SLC30A6: variants seen among roughly 807,000 people sequenced by gnomAD.
SLC30A6 encodes the protein zinc transporter 6.
Under a neutral mutation model 63.0 loss-of-function variants are expected in SLC30A6, and 55 were observed. The ratio of observed to expected loss-of-function variants is 0.87; its 90% confidence interval spans 0.70 to 1.09. The LOEUF (loss-of-function observed/expected upper bound fraction) is 1.09, where lower values mean the gene tolerates loss of function less well. Among genes scored for constraint, SLC30A6 ranks in the 50% least tolerant of loss-of-function variants. The probability of loss-of-function intolerance (pLI) is 0.00; values close to 1 mark genes in which losing one functional copy is unlikely to be tolerated. For synonymous variants in SLC30A6, 224 were observed against 186.1 expected, an observed-to-expected ratio of 1.20 and a Z score of -1.66; for missense variants, 587 against 549.2, an observed-to-expected ratio of 1.07 and a Z score of -0.69.
intron 8 of SLC30A6, among the ~76,000 whole-genome samples, chr2:32,195,830 C>G (rs966629747): frequency 6.6e-6 from 1 of 152,144 alleles, no homozygotes; most frequent in African/African-American, 2.4e-5. Flanking sequence ...GCGTGAGCCA[C>G]TGCTCCCAGC....
At chr2:32,209,689 A>G (rs1483911911) in intron 13 of SLC30A6, 128 bp downstream of exon 13, 1 of 741,174 alleles carries the variant, frequency 1.3e-6, no homozygotes, top group Non-Finnish European at 2.1e-6. Flanking sequence ...AGCAGAGTCT[A>G]AAATGTACAT....
chr2:32,169,753 A>C (rs1681026954), intron 1 of SLC30A6, among the ~76,000 whole-genome samples: 1 of 152,176 alleles, frequency 6.6e-6, no homozygotes, highest in South Asian at 2.1e-4. Context: ...TGTCCTCCTC[A>C]AAAGCAGCTG....
intron 4 of SLC30A6, among the ~76,000 whole-genome samples, chr2:32,179,745 G>A (rs1283593482): frequency 4.6e-5 from 7 of 151,996 alleles, no homozygotes; most frequent in Non-Finnish European, 7.4e-5. Context: ...ATAAGAATAC[G>A]TACATGTATA....
In SLC30A6 at chr2:32,206,953, A is replaced by G; in HGVS notation, c.816+20A>G. ...AGAGAGGTAAGATGGAATAGTAAATAAAATCATTTTATTTTATATCAGGGA... is the reference window on the plus strand; with the variant it reads ...AGAGAGGTAAGATGGAATAGTAAATGAAATCATTTTATTTTATATCAGGGA... On this transcript the variant is annotated intron_variant, in intron 12 of 13. Coordinates refer to ENST00000282587, the MANE Select transcript of SLC30A6 (RefSeq NM_017964.5). The G allele has an allele frequency of 6.4e-7, 1 of 1,572,878 alleles. No homozygotes were observed. The highest frequency in any genetic ancestry group is 8.7e-7 in the Non-Finnish European group (1 of 1,143,056).
At chr2:32,167,510 C>T (rs1441599109) in intron 1 of SLC30A6, among the ~76,000 whole-genome samples, 1 of 151,948 alleles carries the variant, frequency 6.6e-6, no homozygotes, top group Non-Finnish European at 1.5e-5. Flanking sequence ...CTTCCATCCC[C>T]AGAATTGTTC....
chr2:32,177,409 G>C, intron 4 of SLC30A6: 1 of 181,220 alleles, frequency 5.5e-6, no homozygotes. Flanking sequence ...TTTTGCCTCA[G>C]CCTCCCAAGT....
chr2:32,203,337 G>A lies in SLC30A6; in HGVS notation c.666-1253G>A, dbSNP rs796204633. ...CAAAAAGTAGGAATTACTTTTAAAT[G>A]TGTAGGTATTCCTTCTACAATGGAT... On this transcript the variant is annotated intron_variant, in intron 10 of 13. Coordinates refer to ENST00000282587, the MANE Select transcript of SLC30A6 (RefSeq NM_017964.5). The A allele has an allele frequency of 1.6e-5, 15 of 913,808 alleles. No homozygotes were observed. In the African/African-American group the frequency reaches 2.3e-4, roughly 14 times the overall value. 56.6% of individuals were successfully genotyped at this position (913,808 alleles called of 1,614,324 possible).
intron 8 of SLC30A6, among the ~76,000 whole-genome samples, chr2:32,194,550 G>A (rs191040594): frequency 6.6e-6 from 1 of 152,104 alleles, no homozygotes; most frequent in East Asian, 1.9e-4. Context: ...TCAGTGTTTT[G>A]GAATCCCACT....
intron 1 of SLC30A6, among the ~76,000 whole-genome samples, chr2:32,168,203 A>G (rs1253315498): frequency 6.6e-6 from 1 of 152,048 alleles, no homozygotes; most frequent in East Asian, 1.9e-4. Flanking sequence ...ACTTTCTTAG[A>G]AAATATAAAG....
At chr2:32,182,340 C>T in intron 4 of SLC30A6, among the ~76,000 whole-genome samples, 1 of 152,200 alleles carries the variant, frequency 6.6e-6, no homozygotes, top group Non-Finnish European at 1.5e-5. Flanking sequence ...ATTTGCTGAA[C>T]TTCAATGTAA....
intron 13 of SLC30A6, chr2:32,214,459 A>G (rs765811421): frequency 1.3e-5 from 2 of 152,106 alleles, no homozygotes; most frequent in Non-Finnish European, 2.9e-5. Flanking sequence ...AATTTTTTAA[A>G]ATATGGAACG....
chr2:32,188,392 C>A (rs1371921875), intron 5 of SLC30A6, among the ~76,000 whole-genome samples: 1 of 152,290 alleles, frequency 6.6e-6, no homozygotes, highest in East Asian at 1.9e-4. Flanking sequence ...TGTCCCTACC[C>A]TTTAAAAGGT....
intron 11 of SLC30A6, among the ~76,000 whole-genome samples, 191 bp downstream of exon 11, chr2:32,204,883 G>A (rs1684612907): frequency 1.4e-5 from 2 of 144,252 alleles, no homozygotes; most frequent in Admixed American, 7.1e-5. Flanking sequence ...GTGGGATCTC[G>A]GCTCACTGCC....
chr2:32,191,643 T>A (rs956942748), intron 5 of SLC30A6, among the ~76,000 whole-genome samples: 2 of 152,178 alleles, frequency 1.3e-5, no homozygotes, highest in Admixed American at 6.5e-5. Context: ...TGTCAGAGTG[T>A]TTGAGTTTGA....
chr2:32,206,440 CAAAA>C (rs35790322), intron 11 of SLC30A6, among the ~76,000 whole-genome samples: 23 of 146,548 alleles, frequency 1.6e-4, no homozygotes, highest in African/African-American at 5.5e-4. Flanking sequence ...AGCGAGATTC[CAAAA>C]AAAAAAAAGG....
At position 32,197,729 on chromosome 2, in the gene SLC30A6, CT is replaced by C; in HGVS notation, c.570del (p.Ser191AlafsTer8). On this transcript the variant is annotated frameshift_variant, in exon 10 of 14. Transcript: ENST00000282587. LOFTEE classifies it high-confidence loss of function. ...SRSLCGIIPG[L>X]SSIFLPRMNP... is the part of the protein sequence containing the mutation. ...TAGCTTGTGTGGAATTATTCCGGGA[CT>C]TAGCAGTATCTTCCTTCCCCGAATG... The C allele has an allele frequency of 6.2e-7, 1 of 1,614,108 alleles. No individual in the cohort carries two copies. The highest frequency in any genetic ancestry group is 1.1e-5 in the South Asian group (1 of 91,084).
At chr2:32,192,582 A>AT (rs1415392941) in intron 6 of SLC30A6, among the ~76,000 whole-genome samples, 166 bp downstream of exon 6, 1 of 151,884 alleles carries the variant, frequency 6.6e-6, no homozygotes, top group Non-Finnish European at 1.5e-5. Flanking sequence ...CTTCTGTTTC[A>AT]TTTTTTTTAC....
intron 1 of SLC30A6, among the ~76,000 whole-genome samples, chr2:32,168,634 T>G (rs1421645047): frequency 6.6e-6 from 1 of 152,184 alleles, no homozygotes; most frequent in African/African-American, 2.4e-5. Context: ...TGAAACTAAG[T>G]ACTTTGTGCC....
intron 13 of SLC30A6, chr2:32,214,400 G>A (rs1469244705): frequency 1.3e-5 from 2 of 151,840 alleles, no homozygotes; most frequent in African/African-American, 2.4e-5. Context: ...CACACCTTGA[G>A]TCTTATGTTC....
Sources: gnomAD v4.1 joint callset for allele counts (sites outside exome capture counted in the v4.1 genomes callset) on GRCh38, gnomAD v4.1.1 for gene constraint, MANE v1.5 for transcripts, NCBI Gene and HGNC (gene_info 2026-07-23, HGNC 2026-07-21) for gene names.